CDKAL1: variants seen among roughly 807,000 people sequenced by gnomAD.
CDKAL1 encodes the protein threonylcarbamoyladenosine tRNA methylthiotransferase.
In CDKAL1, 32 loss-of-function variants were observed where a neutral mutation model predicts 68.2. That is an observed-to-expected ratio of 0.47 (90% CI 0.35 to 0.63). The LOEUF (loss-of-function observed/expected upper bound fraction) is 0.63. Among genes scored for constraint, CDKAL1 ranks in the 30% least tolerant of loss-of-function variants. The pLI is 0.00. For synonymous variants in CDKAL1, 234 were observed against 244.3 expected (o/e 0.96, Z 0.39); for missense variants, 606 against 696.7 (o/e 0.87, Z 1.47).
chr6:20,873,055 C>G (rs965565630), intron 9 of CDKAL1, among the ~76,000 whole-genome samples: 1 of 152,126 alleles, frequency 6.6e-6, no homozygotes, highest in African/African-American at 2.4e-5. Context: ...TAGACAAATA[C>G]AGCTGCCCGT....
intron 9 of CDKAL1, among the ~76,000 whole-genome samples, chr6:20,922,574 A>G (rs1162249796): frequency 6.6e-6 from 1 of 152,218 alleles, no homozygotes; most frequent in Non-Finnish European, 1.5e-5. Flanking sequence ...TGAATGGGAA[A>G]GGTAAACTGA....
intron 13 of CDKAL1, among the ~76,000 whole-genome samples, chr6:21,164,930 T>C (rs1777089211): frequency 6.6e-6 from 1 of 152,214 alleles, no homozygotes; most frequent in Non-Finnish European, 1.5e-5. Context: ...ATCTAATTCA[T>C]CTTCATGGCA....
chr6:20,691,858 A>G (rs982511873), intron 5 of CDKAL1, among the ~76,000 whole-genome samples: 1 of 151,866 alleles, frequency 6.6e-6, no homozygotes, highest in Non-Finnish European at 1.5e-5. Flanking sequence ...ATTCTTTTTT[A>G]TTTCCCATTC....
At chr6:20,836,007 C>A (rs1777924762) in intron 8 of CDKAL1, among the ~76,000 whole-genome samples, 1 of 152,084 alleles carries the variant, frequency 6.6e-6, no homozygotes, top group Admixed American at 6.6e-5. Flanking sequence ...CTTCTCCTTC[C>A]TTCTCCTGGC....
chr6:20,748,555 GAAAAAAAAAAAAAAAA>G (rs760404728), intron 6 of CDKAL1, among the ~76,000 whole-genome samples: 16 of 28,768 alleles, frequency 5.6e-4, no homozygotes, highest in African/African-American at 1.8e-3. Context: ...TCTGTTTCTG[GAAAAAAAAAAAAAAAA>G]AAAAAAAAAA....
At chr6:21,168,553 T>C (rs1338587194) in intron 13 of CDKAL1, among the ~76,000 whole-genome samples, 1 of 152,244 alleles carries the variant, frequency 6.6e-6, no homozygotes, top group Non-Finnish European at 1.5e-5. Flanking sequence ...AAAGCTATTG[T>C]CTTACAAATC....
At chr6:20,871,289 T>C (rs75888104) in intron 9 of CDKAL1, among the ~76,000 whole-genome samples, 2,050 of 152,288 alleles carry the variant, frequency 0.013, 32 homozygotes, top group African/African-American at 0.047. Flanking sequence ...GTGTGTCTAA[T>C]AATTACCATA....
rs552434554 is a variant in CDKAL1 at position 20,808,607 on chromosome 6, T to C, written c.638+27342T>C. Among the ~76,000 whole-genome samples the C allele has an allele frequency of 2.0e-5, 3 of 152,110 alleles. No homozygotes were observed. The South Asian group carries it at 6.2e-4, about 32-fold the overall frequency. On this transcript the variant is annotated intron_variant, in intron 8 of 15. Coordinates refer to ENST00000274695, the MANE Select transcript of CDKAL1 (RefSeq NM_017774.3). The stretch of plus-strand genomic sequence containing the variant: ...GGGACAAAGATAAGTTAGTTGAATT[T>C]TGGATCAGTTTTTGAGATGCCTATG...
intron 9 of CDKAL1, among the ~76,000 whole-genome samples, chr6:20,894,392 T>A: frequency 1.2e-4 from 1 of 8,106 alleles, no homozygotes; most frequent in East Asian, 0.018. Context: ...CCCCACATAC[T>A]TTTTTTTTTT....
intron 4 of CDKAL1, among the ~76,000 whole-genome samples, chr6:20,578,107 A>C (rs1310707801): frequency 2.0e-5 from 3 of 152,202 alleles, no homozygotes; most frequent in Non-Finnish European, 2.9e-5. Flanking sequence ...TAAACCACCT[A>C]AGTATGTATA....
At chr6:20,732,300 A>G (rs1300617293) in intron 5 of CDKAL1, among the ~76,000 whole-genome samples, 2 of 115,950 alleles carry the variant, frequency 1.7e-5, no homozygotes, top group African/African-American at 7.2e-5. Context: ...TTGTTGAGAC[A>G]GGGTCTCACT....
chr6:20,585,038 C>G (rs1307978326), intron 4 of CDKAL1, among the ~76,000 whole-genome samples: 1 of 151,496 alleles, frequency 6.6e-6, no homozygotes, highest in Non-Finnish European at 1.5e-5. Context: ...ATATATCCTA[C>G]CTTAAGCTAA....
chr6:20,714,952 G>A (rs1772021348), intron 5 of CDKAL1, among the ~76,000 whole-genome samples: 1 of 151,930 alleles, frequency 6.6e-6, no homozygotes, highest in Non-Finnish European at 1.5e-5. Context: ...AAATTTTATT[G>A]TATAAATTTA....
intron 9 of CDKAL1, among the ~76,000 whole-genome samples, chr6:20,889,506 T>A (rs1761267637): frequency 6.6e-6 from 1 of 152,110 alleles, no homozygotes; most frequent in Admixed American, 6.6e-5. Context: ...TGGTTTTAGG[T>A]CTAACATGTA....
intron 11 of CDKAL1, among the ~76,000 whole-genome samples, chr6:21,031,315 C>G (rs930439092): frequency 6.6e-6 from 1 of 151,488 alleles, no homozygotes; most frequent in African/African-American, 2.4e-5. Flanking sequence ...GCATGTCTCT[C>G]TGACTTTGCC....
chr6:20,876,659 T>C (rs1314770836), intron 9 of CDKAL1, among the ~76,000 whole-genome samples: 3 of 152,194 alleles, frequency 2.0e-5, no homozygotes, highest in East Asian at 3.8e-4. Flanking sequence ...GACCTAGATA[T>C]GAATGCAAAT....
intron 4 of CDKAL1, among the ~76,000 whole-genome samples, chr6:20,622,746 T>A (rs545147041): frequency 6.6e-6 from 1 of 152,142 alleles, no homozygotes; most frequent in African/African-American, 2.4e-5. Context: ...TCTTTTACTT[T>A]GACCAATATT....
At chr6:20,963,571 A>T (rs988871651) in intron 10 of CDKAL1, among the ~76,000 whole-genome samples, 10 of 152,208 alleles carry the variant, frequency 6.6e-5, no homozygotes, top group African/African-American at 2.4e-4. Context: ...CCCAAAATAA[A>T]TGAACTTATA....
At chr6:20,612,493 C>T (rs9358353) in intron 4 of CDKAL1, among the ~76,000 whole-genome samples, 43,019 of 151,844 alleles carry the variant, frequency 0.28, 6,591 homozygotes, top group East Asian at 0.53. Context: ...TTTACATTTC[C>T]CTGATGATTA....
Sources: gnomAD v4.1 joint callset for allele counts (sites outside exome capture counted in the v4.1 genomes callset) on GRCh38, gnomAD v4.1.1 for gene constraint, MANE v1.5 for transcripts, NCBI Gene and HGNC (gene_info 2026-07-23, HGNC 2026-07-21) for gene names.